The following NPC1 variants were observed in gnomAD, a reference collection of about 807,000 sequenced individuals.
NPC1 encodes the protein Niemann-Pick C1 protein.
Under a neutral mutation model 140.4 loss-of-function variants are expected in NPC1, and 85 were observed. That is an observed-to-expected ratio of 0.61 (90% CI 0.51 to 0.72). The LOEUF is 0.72. Ranked by LOEUF, NPC1 falls within the 30% of genes least tolerant of loss-of-function variation. The pLI, the probability that NPC1 is intolerant of heterozygous loss-of-function variation, is 0.00. For synonymous variants in NPC1, 656 were observed against 624.8 expected, an observed-to-expected ratio of 1.05 and a Z score of -0.74; for missense variants, 1,504 against 1,623.8, an observed-to-expected ratio of 0.93 and a Z score of 1.27.
downstream of NPC1, chr18:23,529,703 T>C: frequency 6.2e-7 from 1 of 1,613,630 alleles, no homozygotes; most frequent in Middle Eastern, 1.6e-4. Flanking sequence ...AGTTTCAGAT[T>C]GCAGTACAGG....
rs1425681406 is a variant in NPC1 at position 23,561,564 on chromosome 18, T to C, written c.464-37A>G. ...AACCCAAAGGAAAAAGGAGACAAGA[T>C]GCTTGCTGTAATTCACGAGGCAAGA... On this transcript the variant is annotated intron_variant, in intron 4 of 24. Transcript: ENST00000269228. The C allele has an allele frequency of 3.1e-6, 5 of 1,608,234 alleles. No individual in the cohort carries two copies. In the Admixed American group the frequency reaches 8.3e-5, roughly 27 times the overall value.
downstream of NPC1, chr18:23,518,788 C>T: frequency 9.8e-7 from 1 of 1,016,864 alleles, no homozygotes; most frequent in South Asian, 1.4e-5. Flanking sequence ...CAAAATACTC[C>T]ATTAAGTGAA....
rs535059744 is a variant in NPC1 at position 23,532,000 on chromosome 18, G to C, written c.*202C>G. The C allele has an allele frequency of 6.8e-7, 1 of 1,480,520 alleles. No individual in the cohort carries two copies. The highest frequency in any genetic ancestry group is 8.9e-7 in the Non-Finnish European group (1 of 1,120,614). 91.7% of individuals were successfully genotyped at this position (1,480,520 alleles called of 1,614,324 possible). A position where few individuals can be genotyped will look rare whatever the true frequency, so the allele number is the denominator to read the frequency against. ...GGCTGGGAGAAGTTTAGTGTCCTGT[G>C]GTTGCCTCCAGATCTAGTAATACTG... On this transcript the variant is annotated 3_prime_UTR_variant, in exon 25 of 25. Transcript: ENST00000269228.
chr18:23,539,301 A>T, intron 19 of NPC1, 54 bp downstream of exon 19: 4 of 1,292,748 alleles, frequency 3.1e-6, no homozygotes, highest in East Asian at 2.3e-5. Context: ...TTTTTAAATG[A>T]TAATTTGAAA....
Position 23,531,694 on chromosome 18 carries a change from C to T in NPC1, c.*508G>A, listed in dbSNP as rs750659004. 11 of 1,609,180 alleles carry T rather than the reference C, an allele frequency of 6.8e-6. No homozygotes were observed. The highest frequency in any genetic ancestry group is 9.3e-6 in the Non-Finnish European group (11 of 1,179,000). Reference sequence around the variant, plus strand: ...GGAGACCAAGCTCTAATGAGGCCTACAACATTCTGAAATCACTTGCTGTTT... The same window carrying T: ...GGAGACCAAGCTCTAATGAGGCCTATAACATTCTGAAATCACTTGCTGTTT... On this transcript the variant is annotated 3_prime_UTR_variant, in exon 25 of 25. Transcript: ENST00000269228.
At chr18:23,545,360 A>G (rs963203242) in intron 11 of NPC1, among the ~76,000 whole-genome samples, 3 of 152,118 alleles carry the variant, frequency 2.0e-5, no homozygotes, top group Non-Finnish European at 4.4e-5. Context: ...CTCCTGCCCC[A>G]GCCTCCTGAG....
At chr18:23,584,735 T>C (rs925248382) in intron 1 of NPC1, among the ~76,000 whole-genome samples, 5 of 152,186 alleles carry the variant, frequency 3.3e-5, no homozygotes, top group African/African-American at 1.2e-4. Context: ...GGTGGGCACC[T>C]GTAATCCTAG....
chr18:23,572,226 G>T, intron 2 of NPC1, 46 bp from the exon 3 acceptor site: 1 of 1,335,682 alleles, frequency 7.5e-7, no homozygotes, highest in Non-Finnish European at 1.1e-6. Flanking sequence ...AACAGTTAGA[G>T]TAAGGTCAAC....
intron 1 of NPC1, among the ~76,000 whole-genome samples, chr18:23,576,068 ACAAAATTAGCCAGGTGTGGGGGGTG>A (rs993851052): frequency 5.3e-5 from 8 of 152,120 alleles, no homozygotes; most frequent in African/African-American, 1.9e-4. Context: ...TACTGAAAAT[ACAAAATTAGCCAGGTGTGGGGGGTG>A]CATGCCTGTA....
At chr18:23,556,075 C>T (rs561567946) in intron 8 of NPC1, among the ~76,000 whole-genome samples, 168 bp downstream of exon 8, 3 of 152,314 alleles carry the variant, frequency 2.0e-5, no homozygotes, top group East Asian at 3.9e-4. Flanking sequence ...CAACATCATT[C>T]ACTTTCTTGA....
At chr18:23,582,063 A>G (rs2059363392) in intron 1 of NPC1, 1 of 152,226 alleles carries the variant, frequency 6.6e-6, no homozygotes, top group African/African-American at 2.4e-5. Flanking sequence ...GAGTAGATCA[A>G]GGAGTTCGAT....
intron 1 of NPC1, chr18:23,524,172 T>C: frequency 6.2e-7 from 1 of 1,613,766 alleles, no homozygotes; most frequent in Non-Finnish European, 8.5e-7. Flanking sequence ...CCATGTAAAC[T>C]CTGTATCCTT....
chr18:23,531,544 A>C lies in NPC1; in HGVS notation c.*658T>G. 1.3e-6 allele frequency: 2 copies of C among 1,564,702 alleles called. No homozygotes were observed. Among genetic ancestry groups the C allele is most frequent in the Non-Finnish European group, 1.7e-6 (2 of 1,160,528 alleles). On this transcript the variant is annotated 3_prime_UTR_variant, in exon 25 of 25. Coordinates refer to ENST00000269228, the MANE Select transcript of NPC1 (RefSeq NM_000271.5). ...ATTAAAGAAAAATAAGTTAAAACCC[A>C]GTAGACACACCTACGAGATGCTTTC... is the stretch of plus-strand genomic sequence containing the variant.
At chr18:23,529,789 GA>G, downstream of NPC1, 4 of 1,402,498 alleles carry the variant, frequency 2.9e-6, no homozygotes, top group Non-Finnish European at 4.0e-6. Flanking sequence ...CTTAGAAGAT[GA>G]CTCATATGCT....
downstream of NPC1, chr18:23,519,291 A>T: frequency 1.2e-6 from 1 of 843,030 alleles, no homozygotes. Context: ...GCCAAGGCGG[A>T]CAGATTGCTT....
chr18:23,565,444 G>A (rs533644834), intron 4 of NPC1, among the ~76,000 whole-genome samples: 7 of 152,022 alleles, frequency 4.6e-5, no homozygotes, highest in Admixed American at 1.3e-4. Flanking sequence ...CAACCACCGC[G>A]TCCCAGGTTC....
At chr18:23,568,697 CTT>C in intron 4 of NPC1, 124 bp downstream of exon 4, 1 of 775,354 alleles carries the variant, frequency 1.3e-6, no homozygotes. Flanking sequence ...AGCAACAACT[CTT>C]ATTTCCTGGC....
At chr18:23,584,880 G>A (rs945733184) in intron 1 of NPC1, among the ~76,000 whole-genome samples, 1 of 152,182 alleles carries the variant, frequency 6.6e-6, no homozygotes, top group East Asian at 1.9e-4. Flanking sequence ...CCTATTTAAG[G>A]TCCTGATCTA....
chr18:23,527,376 C>T (rs953437517), downstream of NPC1, among the ~76,000 whole-genome samples: 3 of 151,740 alleles, frequency 2.0e-5, no homozygotes, highest in Non-Finnish European at 2.9e-5. Context: ...CCAGCCTGGG[C>T]GACAGAGCAA....
Sources: gnomAD v4.1 joint callset for allele counts (sites outside exome capture counted in the v4.1 genomes callset) on GRCh38, gnomAD v4.1.1 for gene constraint, MANE v1.5 for transcripts, NCBI Gene and HGNC (gene_info 2026-07-23, HGNC 2026-07-21) for gene names.